AUTS2: variants seen among roughly 807,000 people sequenced by gnomAD.
AUTS2 encodes the protein autism susceptibility gene 2 protein.
Under a neutral mutation model 112.4 loss-of-function variants are expected in AUTS2, and 17 were observed. The observed-to-expected ratio is 0.15, with a 90% confidence interval of 0.10 to 0.23. The LOEUF (loss-of-function observed/expected upper bound fraction) is 0.23. Among genes scored for constraint, AUTS2 ranks in the 10% least tolerant of loss-of-function variants. The probability of loss-of-function intolerance (pLI) is 1.00; values close to 1 mark genes in which losing one functional copy is unlikely to be tolerated. For missense variants in AUTS2, 1,510 were observed against 1,701.6 expected, an observed-to-expected ratio of 0.89 and a Z score of 1.98; for synonymous variants, 751 against 702.7, an observed-to-expected ratio of 1.07 and a Z score of -1.09.
At chr7:69,722,884 A>G (rs1799036947) in intron 1 of AUTS2, among the ~76,000 whole-genome samples, 1 of 151,960 alleles carries the variant, frequency 6.6e-6, no homozygotes, top group South Asian at 2.1e-4. Flanking sequence ...ACACCAAAGC[A>G]TCTGAGCTAC....
intron 4 of AUTS2, among the ~76,000 whole-genome samples, chr7:70,434,850 G>T (rs1312413297): frequency 6.6e-6 from 1 of 152,210 alleles, no homozygotes; most frequent in East Asian, 1.9e-4. Flanking sequence ...TGAATGAATA[G>T]ATATATTTAC....
intron 4 of AUTS2, among the ~76,000 whole-genome samples, chr7:70,281,772 A>C (rs1269313464): frequency 6.6e-6 from 1 of 152,252 alleles, no homozygotes; most frequent in Non-Finnish European, 1.5e-5. Context: ...ACATATGCTA[A>C]GCACTTAAAG....
chr7:70,507,956 A>G (rs955640636), intron 5 of AUTS2, among the ~76,000 whole-genome samples: 1 of 152,118 alleles, frequency 6.6e-6, no homozygotes, highest in Admixed American at 6.5e-5. Context: ...CAAAGACTTA[A>G]TTTTTTAGGT....
intron 2 of AUTS2, among the ~76,000 whole-genome samples, chr7:69,949,880 A>G (rs1218042437): frequency 1.3e-5 from 2 of 152,184 alleles, no homozygotes; most frequent in South Asian, 2.1e-4. Flanking sequence ...TGCATAGTAG[A>G]TAATTAATAG....
intron 3 of AUTS2, among the ~76,000 whole-genome samples, chr7:70,133,646 A>T (rs1806391913): frequency 6.6e-6 from 1 of 152,202 alleles, no homozygotes; most frequent in African/African-American, 2.4e-5. Context: ...CTGCAGACCT[A>T]TTCAGCATTT....
At chr7:70,647,839 G>A (rs1172108666) in intron 5 of AUTS2, among the ~76,000 whole-genome samples, 2 of 152,206 alleles carry the variant, frequency 1.3e-5, no homozygotes, top group African/African-American at 4.8e-5. Context: ...CCTTTCTTTG[G>A]AACTCAGACC....
intron 2 of AUTS2, among the ~76,000 whole-genome samples, chr7:70,035,541 C>T (rs760760337): frequency 2.0e-5 from 3 of 152,034 alleles, no homozygotes; most frequent in Non-Finnish European, 2.9e-5. Flanking sequence ...ATTTTAAAGA[C>T]GATTGTGAAT....
At position 70,088,586 on chromosome 7, in the gene AUTS2, CTTGTTTGTTTGT is replaced by C. The variant is rs560294028; in HGVS notation, c.523-29531_523-29520del. 4.0e-5 allele frequency among the ~76,000 whole-genome samples: 6 copies of C among 148,524 alleles called. No homozygotes were observed. In the East Asian group the frequency reaches 1.2e-3, roughly 30 times the overall value. ...CTGAAGGCATTGATCTGAGACCCAC[CTTGTTTGTTTGT>C]TTGTTTGTTTGTTTTGTTTTGTTTT... On this transcript the variant is annotated intron_variant, in intron 2 of 18. Transcript: ENST00000342771.
chr7:69,655,836 G>A (rs1294808225), intron 1 of AUTS2, among the ~76,000 whole-genome samples: 2 of 152,176 alleles, frequency 1.3e-5, no homozygotes, highest in Admixed American at 6.5e-5. Flanking sequence ...CTTGTTACTA[G>A]CCTTTCGGGA....
chr7:70,101,631 G>T (rs1363434005), intron 2 of AUTS2, among the ~76,000 whole-genome samples: 1 of 152,124 alleles, frequency 6.6e-6, no homozygotes, highest in Non-Finnish European at 1.5e-5. Context: ...GGAGGCAGAG[G>T]TTGCAGTGAG....
At chr7:69,957,723 A>ATCACCTGAGC (rs1797272488) in intron 2 of AUTS2, among the ~76,000 whole-genome samples, 1 of 152,154 alleles carries the variant, frequency 6.6e-6, no homozygotes, top group African/African-American at 2.4e-5. Context: ...AGGACACAGG[A>ATCACCTGAGC]AGGGAGTGAA....
chr7:69,709,261 C>G (rs544615965), intron 1 of AUTS2, among the ~76,000 whole-genome samples: 2 of 152,188 alleles, frequency 1.3e-5, no homozygotes, highest in Admixed American at 1.3e-4. Flanking sequence ...TCCTTTTGCA[C>G]CTTTCCCAGG....
intron 5 of AUTS2, among the ~76,000 whole-genome samples, chr7:70,505,803 G>A (rs1006463048): frequency 7.2e-5 from 11 of 152,154 alleles, no homozygotes; most frequent in Admixed American, 6.5e-5. Flanking sequence ...GACCTTTCAT[G>A]TTTCTCTGCC....
Position 70,790,213 on chromosome 7 carries a change from C to A in AUTS2, c.2997C>A (p.Thr999=). The A allele has an allele frequency of 1.2e-6, 2 of 1,612,582 alleles. No homozygotes were observed. The highest frequency in any genetic ancestry group is 2.2e-5 in the South Asian group (2 of 91,056). The change falls in exon 19 of 19, where the codon ACC becomes ACA. Residue 999 remains threonine, a synonymous_variant. Coordinates refer to ENST00000342771, the MANE Select transcript of AUTS2 (RefSeq NM_015570.4). This position sits in a 1 kb window ranked among gnomAD's most constrained non-coding sequence, Gnocchi z 7.6. ...DHDLPPEAPQ[T]HRASEPPPPN... ...ACCTGCCTCCAGAGGCCCCGCAGAC[C>A]CACCGGGCCTCGGAGCCGCCGCCTC...
At chr7:70,657,980 G>A (rs962335788) in intron 5 of AUTS2, among the ~76,000 whole-genome samples, 7 of 152,132 alleles carry the variant, frequency 4.6e-5, no homozygotes, top group African/African-American at 1.4e-4. Context: ...CTGTTCACAC[G>A]GATATATTTG....
At chr7:70,642,950 T>TC in intron 5 of AUTS2, among the ~76,000 whole-genome samples, 1 of 152,296 alleles carries the variant, frequency 6.6e-6, no homozygotes, top group East Asian at 1.9e-4. Context: ...GGTGAAGGAG[T>TC]CCCTGCATTC....
intron 2 of AUTS2, among the ~76,000 whole-genome samples, chr7:69,965,562 T>C (rs945149526): frequency 6.6e-6 from 1 of 152,094 alleles, no homozygotes; most frequent in Non-Finnish European, 1.5e-5. Context: ...AAGGAAAACT[T>C]GCAGGAAGTT....
At chr7:70,725,619 G>A (rs367738574) in intron 6 of AUTS2, among the ~76,000 whole-genome samples, 9 of 152,266 alleles carry the variant, frequency 5.9e-5, no homozygotes, top group African/African-American at 1.7e-4. Flanking sequence ...TGGCTCTGCC[G>A]TTAGCACATT....
intron 5 of AUTS2, among the ~76,000 whole-genome samples, chr7:70,497,835 G>C (rs1407526869): frequency 6.6e-6 from 1 of 152,164 alleles, no homozygotes; most frequent in African/African-American, 2.4e-5. Flanking sequence ...CAGGGTCTCA[G>C]ACACGCAGAG....
Sources: allele counts gnomAD v4.1 joint callset (sites outside exome capture counted in the v4.1 genomes callset), GRCh38; gene constraint gnomAD v4.1.1; non-coding constraint Gnocchi (gnomAD v3.1); transcripts MANE v1.5; gene names NCBI Gene and HGNC (gene_info 2026-07-23, HGNC 2026-07-21).